Variants in VWDE observed in about 807,000 individuals in gnomAD.
The protein encoded by VWDE is von Willebrand factor D and EGF domains.
In VWDE, 207 loss-of-function variants were observed where a neutral mutation model predicts 178.4. The observed-to-expected ratio is 1.16, with a 90% confidence interval of 1.04 to 1.30. The LOEUF is 1.30. Ranked by LOEUF, VWDE falls within the 50% of genes most tolerant of loss-of-function variation. The pLI, the probability that VWDE is intolerant of heterozygous loss-of-function variation, is 0.00. For missense variants in VWDE, 2,287 were observed against 1,901.3 expected (o/e 1.20, Z -3.77); for synonymous variants, 738 against 651.4 (o/e 1.13, Z -2.02).
At chr7:12,349,348 C>T (rs974771217) in intron 19 of VWDE, among the ~76,000 whole-genome samples, 1 of 150,332 alleles carries the variant, frequency 6.7e-6, no homozygotes, top group Non-Finnish European at 1.5e-5. Context: ...AGTATTGGAC[C>T]TCTTCTTCAT....
intron 4 of VWDE, among the ~76,000 whole-genome samples, chr7:12,382,604 C>T (rs1265231732): frequency 6.6e-6 from 1 of 151,736 alleles, no homozygotes; most frequent in Non-Finnish European, 1.5e-5. Context: ...TATGATCTAT[C>T]CTGATTTATT....
At position 12,383,517 on chromosome 7, in the gene VWDE, AG is replaced by A. The variant is rs1313182360; in HGVS notation, c.541+18del. The A allele has an allele frequency of 6.5e-7, 1 of 1,548,008 alleles. No homozygotes were observed. Among genetic ancestry groups the A allele is most frequent in the African/African-American group, 1.4e-5 (1 of 73,078 alleles). ...TAGTTTATAAAAACACTATTAAAAA[AG>A]CAAAATATGATACTTACGAACACAA... On this transcript the variant is annotated intron_variant, in intron 4 of 28. Transcript: ENST00000275358.
chr7:12,401,895 G>C (rs915335186), intron 1 of VWDE, among the ~76,000 whole-genome samples: 1 of 152,070 alleles, frequency 6.6e-6, no homozygotes, highest in East Asian at 1.9e-4. Context: ...CAACTCAAAT[G>C]TTCATCAACA....
At chr7:12,364,214 G>A (rs6970095) in intron 13 of VWDE, among the ~76,000 whole-genome samples, 16,308 of 152,028 alleles carry the variant, frequency 0.11, 1,036 homozygotes, top group Non-Finnish European at 0.14. Flanking sequence ...AGGTAGTTAC[G>A]TGTGTGTATA....
chr7:12,364,030 T>C (rs1231399092), intron 13 of VWDE, among the ~76,000 whole-genome samples: 4 of 151,996 alleles, frequency 2.6e-5, no homozygotes, highest in Admixed American at 1.3e-4. Flanking sequence ...CATATACATT[T>C]AGATTGAGAA....
chr7:12,343,008 T>C, intron 22 of VWDE, 75 bp downstream of exon 22: 3 of 1,118,396 alleles, frequency 2.7e-6, no homozygotes, highest in South Asian at 3.0e-5. Flanking sequence ...TGGGTTCATT[T>C]CACGTAGCAT....
intron 18 of VWDE, chr7:12,354,369 C>T (rs1234267633): frequency 4.7e-6 from 2 of 428,846 alleles, no homozygotes; most frequent in African/African-American, 2.1e-5. Context: ...TTTTTCCATC[C>T]CCATAAAATC....
chr7:12,386,710 G>A (rs1396053062), intron 3 of VWDE, among the ~76,000 whole-genome samples: 2 of 152,220 alleles, frequency 1.3e-5, no homozygotes, highest in South Asian at 2.1e-4. Flanking sequence ...TAGACGTTTC[G>A]CTGGTGACGC....
At chr7:12,393,113 A>C (rs1784462360) in intron 2 of VWDE, among the ~76,000 whole-genome samples, 1 of 152,184 alleles carries the variant, frequency 6.6e-6, no homozygotes, top group Admixed American at 6.5e-5. Context: ...TGAGCCCGTA[A>C]GTTTTACTCC....
At position 12,371,488 on chromosome 7, in the gene VWDE, T is replaced by C. The variant is rs536753118; in HGVS notation, c.1588-624A>G. 2.6e-5 allele frequency among the ~76,000 whole-genome samples: 4 copies of C among 152,264 alleles called. No individual in the cohort carries two copies. The South Asian group carries it at 8.3e-4, about 32-fold the overall frequency. Reference sequence around the variant, plus strand: ...AGACCAGCCACTTTGATGTACTGTGTATGTGGAGAAGCTATCTCTTCTAAA... The same window carrying C: ...AGACCAGCCACTTTGATGTACTGTGCATGTGGAGAAGCTATCTCTTCTAAA... On this transcript the variant is annotated intron_variant, in intron 10 of 28. Coordinates refer to ENST00000275358, the MANE Select transcript of VWDE (RefSeq NM_001135924.3).
At chr7:12,374,436 T>G (rs987223156) in intron 9 of VWDE, among the ~76,000 whole-genome samples, 28 of 152,058 alleles carry the variant, frequency 1.8e-4, no homozygotes, top group Admixed American at 1.8e-3. Context: ...CAAAAAAGAT[T>G]CTCTGCATTT....
intron 4 of VWDE, among the ~76,000 whole-genome samples, chr7:12,381,354 T>G (rs887728465): frequency 6.6e-6 from 1 of 152,240 alleles, no homozygotes; most frequent in Non-Finnish European, 1.5e-5. Flanking sequence ...GATCTGAAAG[T>G]TTTCTGGATA....
At chr7:12,354,504 T>G in intron 18 of VWDE, 1 of 346,314 alleles carries the variant, frequency 2.9e-6, no homozygotes, top group Non-Finnish European at 5.6e-6. Flanking sequence ...AAAATATAGA[T>G]CAAGAGCTCA....
intron 19 of VWDE, among the ~76,000 whole-genome samples, chr7:12,346,190 G>A (rs907037196): frequency 6.6e-6 from 1 of 152,038 alleles, no homozygotes; most frequent in South Asian, 2.1e-4. Context: ...TAGTATAAAA[G>A]TCAAAGTACA....
At chr7:12,389,047 C>G in intron 3 of VWDE, 80 bp downstream of exon 3, 1 of 1,003,130 alleles carries the variant, frequency 1.0e-6, no homozygotes, top group Non-Finnish European at 1.5e-6. Context: ...TGCACTAACT[C>G]AATACAACCT....
chr7:12,347,402 T>A (rs1242055358), intron 19 of VWDE, among the ~76,000 whole-genome samples: 1 of 152,128 alleles, frequency 6.6e-6, no homozygotes, highest in African/African-American at 2.4e-5. Context: ...AATGATTCAA[T>A]GTTCCTATGA....
At chr7:12,381,477 G>A (rs1352067356) in intron 4 of VWDE, among the ~76,000 whole-genome samples, 1 of 151,994 alleles carries the variant, frequency 6.6e-6, no homozygotes, top group South Asian at 2.1e-4. Flanking sequence ...TTATAAATAT[G>A]CTAATTTTAG....
At position 12,364,180 on chromosome 7, in the gene VWDE, T is replaced by C. The variant is rs575132915; in HGVS notation, c.2899-2659A>G. ...AAGTATCAGTATCAACTCACAGAGA[T>C]GACAGATAGATAAACCGATAGATAG... On this transcript the variant is annotated intron_variant, in intron 13 of 28. Coordinates refer to ENST00000275358, the MANE Select transcript of VWDE (RefSeq NM_001135924.3). 5.4e-3 allele frequency among the ~76,000 whole-genome samples: 824 copies of C among 152,152 alleles called. 6 individuals carry two copies. The highest frequency in any genetic ancestry group is 9.4e-3 in the Non-Finnish European group (637 of 67,946).
intron 13 of VWDE, among the ~76,000 whole-genome samples, chr7:12,365,776 G>A (rs1447174172): frequency 2.6e-5 from 4 of 152,096 alleles, no homozygotes; most frequent in Admixed American, 6.6e-5. Context: ...CAAGACTGGC[G>A]CTAGGAGAGA....
Sources: allele counts gnomAD v4.1 joint callset (sites outside exome capture counted in the v4.1 genomes callset), GRCh38; gene constraint gnomAD v4.1.1; transcripts MANE v1.5; gene names NCBI Gene and HGNC (gene_info 2026-07-23, HGNC 2026-07-21).